The following NUP93 variants were observed in gnomAD, a reference collection of about 807,000 sequenced individuals.
The protein encoded by NUP93 is nuclear pore complex protein Nup93.
In NUP93, 55 loss-of-function variants were observed where a neutral mutation model predicts 107.8. The ratio of observed to expected loss-of-function variants is 0.51; its 90% confidence interval spans 0.41 to 0.64. The LOEUF (loss-of-function observed/expected upper bound fraction) is 0.64, where lower values mean the gene tolerates loss of function less well. Ranked by LOEUF, NUP93 falls within the 30% of genes least tolerant of loss-of-function variation. The probability of loss-of-function intolerance (pLI) is 0.00; values close to 1 mark genes in which losing one functional copy is unlikely to be tolerated. For synonymous variants in NUP93, 390 were observed against 397.5 expected, an observed-to-expected ratio of 0.98 and a Z score of 0.22; for missense variants, 937 against 1,044.7, an observed-to-expected ratio of 0.90 and a Z score of 1.42.
chr16:56,827,458 C>G (rs1026893050), intron 8 of NUP93, among the ~76,000 whole-genome samples: 11 of 152,050 alleles, frequency 7.2e-5, no homozygotes, highest in African/African-American at 2.7e-4. Context: ...ATGTATTGCC[C>G]CACAGACTAC....
Position 56,821,486 on chromosome 16 carries a change from T to C in NUP93, c.565-18T>C. On this transcript the variant is annotated intron_variant, in intron 6 of 21. Coordinates refer to ENST00000308159, the MANE Select transcript of NUP93 (RefSeq NM_014669.5). The stretch of plus-strand genomic sequence containing the variant: ...AAAATAGATACTTTGCCATTTACTT[T>C]GCTTTTTATCATTTCAGATTTATAT... 1.3e-6 allele frequency: 2 copies of C among 1,524,922 alleles called. No homozygotes were observed. The highest frequency in any genetic ancestry group is 2.7e-5 in the African/African-American group (2 of 73,186). 94.5% of individuals were successfully genotyped at this position (1,524,922 alleles called of 1,614,324 possible).
intron 3 of NUP93, among the ~76,000 whole-genome samples, chr16:56,772,994 G>A (rs547574027): frequency 5.2e-4 from 79 of 152,318 alleles, no homozygotes; most frequent in Admixed American, 1.8e-3. Context: ...ACTCAGGCAT[G>A]CCTACATGAG....
At chr16:56,836,430 A>T (rs1963912501) in intron 16 of NUP93, among the ~76,000 whole-genome samples, 171 bp from the exon 17 acceptor site, 2 of 152,106 alleles carry the variant, frequency 1.3e-5, no homozygotes, top group African/African-American at 4.8e-5. Context: ...TTTTAATAGG[A>T]CTTTATATCT....
chr16:56,805,416 T>A, intron 4 of NUP93, 88 bp from the exon 5 acceptor site: 1 of 1,477,404 alleles, frequency 6.8e-7, no homozygotes, highest in Non-Finnish European at 9.3e-7. Context: ...GTGGTTGGTC[T>A]GGAGGGCTTT....
At chr16:56,795,630 A>ATATTTTTATTTT (rs5817076) in intron 3 of NUP93, among the ~76,000 whole-genome samples, 236 of 147,256 alleles carry the variant, frequency 1.6e-3, no homozygotes, top group Middle Eastern at 6.9e-3. Flanking sequence ...TGCTGGAGGA[A>ATATTTTTATTTT]TATTTTTATT....
At chr16:56,838,580 A>G (rs922030394) in intron 18 of NUP93, among the ~76,000 whole-genome samples, 20 of 152,096 alleles carry the variant, frequency 1.3e-4, no homozygotes, top group Admixed American at 6.6e-5. Flanking sequence ...TTGTATGTTA[A>G]GACAGGGTCT....
intron 1 of NUP93, among the ~76,000 whole-genome samples, chr16:56,746,634 A>T (rs1387792804): frequency 6.6e-6 from 1 of 152,258 alleles, no homozygotes; most frequent in Non-Finnish European, 1.5e-5. Flanking sequence ...AAAAGTTCTT[A>T]ATGGATTTAT....
At position 56,808,192 on chromosome 16, in the gene NUP93, A is replaced by G. The variant is rs760254342; in HGVS notation, c.489+2560A>G. ...ATAACTATATAAAATATATAGTTAT[A>G]TAACTATATAAAATATATAGTTATG... On this transcript the variant is annotated intron_variant, in intron 5 of 21. Coordinates refer to ENST00000308159, the MANE Select transcript of NUP93 (RefSeq NM_014669.5). 6.7e-3 allele frequency among the ~76,000 whole-genome samples: 783 copies of G among 117,452 alleles called. 9 individuals carry two copies. Among genetic ancestry groups the G allele is most frequent in the African/African-American group, 0.01 (295 of 29,352 alleles). 77.1% of individuals were successfully genotyped at this position (117,452 alleles called of 152,430 possible). A position where few individuals can be genotyped will look rare whatever the true frequency, so the allele number is the denominator to read the frequency against.
At chr16:56,819,709 T>C (rs187675345) in intron 6 of NUP93, among the ~76,000 whole-genome samples, 14 of 152,366 alleles carry the variant, frequency 9.2e-5, no homozygotes, top group Admixed American at 7.2e-4. Flanking sequence ...GCCAGTTATT[T>C]AGTCAGTGGC....
intron 1 of NUP93, among the ~76,000 whole-genome samples, chr16:56,737,018 C>T (rs2144432211): frequency 6.6e-6 from 1 of 152,248 alleles, no homozygotes; most frequent in African/African-American, 2.4e-5. Context: ...TGTGAGTCAA[C>T]CTTAAGTATA....
chr16:56,731,524 C>T (rs1597096930), intron 1 of NUP93, among the ~76,000 whole-genome samples: 1 of 151,872 alleles, frequency 6.6e-6, no homozygotes, highest in South Asian at 2.1e-4. Flanking sequence ...TCTCCTACTT[C>T]GGCCTCCCAA....
At chr16:56,798,753 C>CA (rs1441214868) in intron 4 of NUP93, among the ~76,000 whole-genome samples, 1 of 151,796 alleles carries the variant, frequency 6.6e-6, no homozygotes, top group African/African-American at 2.4e-5. Context: ...TCTGTGGTCC[C>CA]AGCTACTCCG....
intron 1 of NUP93, among the ~76,000 whole-genome samples, chr16:56,738,283 G>A (rs1274211255): frequency 3.3e-5 from 5 of 152,174 alleles, no homozygotes; most frequent in African/African-American, 1.2e-4. Context: ...GCCTTCTGCT[G>A]GACAGCCAAG....
chr16:56,831,079 C>T (rs1346532404), intron 10 of NUP93, among the ~76,000 whole-genome samples: 3 of 152,184 alleles, frequency 2.0e-5, no homozygotes, highest in African/African-American at 7.2e-5. Flanking sequence ...TATGTTGTCA[C>T]GTACTTCGTA....
At chr16:56,836,297 T>A (rs1272809977) in intron 16 of NUP93, among the ~76,000 whole-genome samples, 1 of 152,196 alleles carries the variant, frequency 6.6e-6, no homozygotes, top group African/African-American at 2.4e-5. Context: ...TTAAAATCAT[T>A]GATTTCACTG....
chr16:56,834,138 G>A lies in NUP93; in HGVS notation c.1548G>A (p.Glu516=), dbSNP rs148103884. 915 of 1,614,170 alleles carry A rather than the reference G, an allele frequency of 5.7e-4. 2 individuals carry two copies. The African/African-American group carries it at 9.4e-3, about 17-fold the overall frequency. ...SGQSAQLLSH[E]PGDPPCLRRL... ...ACCCCCACAATGCAGTCAGCCACGA[G>A]CCTGGTGACCCTCCTTGCTTGCGGC... Residue 516 remains glutamate, a synonymous_variant, in exon 14 of 22, where the codon GAG becomes GAA. Coordinates refer to ENST00000308159, the MANE Select transcript of NUP93 (RefSeq NM_014669.5).
chr16:56,818,844 T>C (rs1963488210), intron 6 of NUP93, 106 bp downstream of exon 6: 7 of 894,406 alleles, frequency 7.8e-6, no homozygotes, highest in Non-Finnish European at 1.2e-5. Flanking sequence ...AAGCAAGTTG[T>C]ATTTTTTCAT....
chr16:56,822,963 ATAAACCT>A (rs1407570542), intron 7 of NUP93, among the ~76,000 whole-genome samples: 1 of 152,240 alleles, frequency 6.6e-6, no homozygotes, highest in Non-Finnish European at 1.5e-5. Flanking sequence ...TGGAACAAGT[ATAAACCT>A]GCTTTTTCTC....
At chr16:56,842,646 G>A (rs188452602) in intron 21 of NUP93, 1 of 450,206 alleles carries the variant, frequency 2.2e-6, no homozygotes, top group East Asian at 7.0e-5. Flanking sequence ...TCTACCTCTT[G>A]GGCTCAAGCC....
Sources: allele counts gnomAD v4.1 joint callset (sites outside exome capture counted in the v4.1 genomes callset), GRCh38; gene constraint gnomAD v4.1.1; transcripts MANE v1.5; gene names NCBI Gene and HGNC (gene_info 2026-07-23, HGNC 2026-07-21).